SNX30: variants seen among roughly 807,000 people sequenced by gnomAD.
SNX30 encodes the protein sorting nexin-30.
Under a neutral mutation model 46.4 loss-of-function variants are expected in SNX30, and 24 were observed. That is an observed-to-expected ratio of 0.52 (90% confidence interval 0.37 to 0.73). The LOEUF (loss-of-function observed/expected upper bound fraction) is 0.73. Ranked by LOEUF, SNX30 falls within the 30% of genes least tolerant of loss-of-function variation. SNX30 has a pLI of 0.00. For synonymous variants in SNX30, 189 were observed against 211.5 expected (o/e 0.89, Z 0.92); for missense variants, 533 against 555.7 (o/e 0.96, Z 0.41).
chr9:112,758,863 A>G (rs536127696), intron 1 of SNX30, among the ~76,000 whole-genome samples: 1 of 151,966 alleles, frequency 6.6e-6, no homozygotes, highest in Non-Finnish European at 1.5e-5. Flanking sequence ...ACACACACAC[A>G]CACACACATA....
intron 2 of SNX30, among the ~76,000 whole-genome samples, chr9:112,816,605 A>G (rs1338940130): frequency 6.6e-6 from 1 of 152,224 alleles, no homozygotes; most frequent in Non-Finnish European, 1.5e-5. Context: ...AAGACAGTGA[A>G]CACAGGTTTT....
chr9:112,811,162 G>C (rs572970651), intron 2 of SNX30, among the ~76,000 whole-genome samples: 1 of 152,224 alleles, frequency 6.6e-6, no homozygotes, highest in Admixed American at 6.5e-5. Context: ...GCAGAGGAGC[G>C]TGAGGATGAA....
chr9:112,838,896 A>T (rs138717327), intron 6 of SNX30, among the ~76,000 whole-genome samples, 199 bp downstream of exon 6: 111 of 152,272 alleles, frequency 7.3e-4, no homozygotes, highest in African/African-American at 2.2e-3. Flanking sequence ...CAAAAAAAAA[A>T]GTTTGGTAAG....
chr9:112,762,900 C>T (rs975841691), intron 1 of SNX30, among the ~76,000 whole-genome samples: 1 of 152,242 alleles, frequency 6.6e-6, no homozygotes, highest in Middle Eastern at 3.2e-3. Flanking sequence ...TATTCCCACT[C>T]CAGGTGAGGA....
At chr9:112,823,021 C>A (rs1175364527) in intron 3 of SNX30, among the ~76,000 whole-genome samples, 1 of 152,100 alleles carries the variant, frequency 6.6e-6, no homozygotes, top group South Asian at 2.1e-4. Flanking sequence ...TTGTGAATCT[C>A]TTACTCTGCC....
At chr9:112,865,661 A>ATATATATATGTGTGTGTGTGTGTGTGTG in intron 8 of SNX30, among the ~76,000 whole-genome samples, 49 of 105,670 alleles carry the variant, frequency 4.6e-4, no homozygotes, top group Non-Finnish European at 7.2e-4. Context: ...ATATATATAT[A>ATATATATATGTGTGTGTGTGTGTGTGTG]TGTATGTATG....
intron 1 of SNX30, among the ~76,000 whole-genome samples, chr9:112,775,542 TTGTGTGTGTGTGTGTGTGTGTG>T (rs199600863): frequency 1.5e-5 from 2 of 131,334 alleles, no homozygotes; most frequent in East Asian, 2.1e-4. Context: ...TATTTTAAAT[TTGTGTGTGTGTGTGTGTGTGTG>T]TGTGTGTGTG....
At chr9:112,865,940 T>A (rs958105598) in intron 8 of SNX30, among the ~76,000 whole-genome samples, 2 of 151,944 alleles carry the variant, frequency 1.3e-5, no homozygotes, top group African/African-American at 4.8e-5. Context: ...GTCAAATGTC[T>A]CTGTTGCTCC....
At chr9:112,840,995 C>G (rs1000248412) in intron 6 of SNX30, among the ~76,000 whole-genome samples, 13 of 151,924 alleles carry the variant, frequency 8.6e-5, no homozygotes, top group Non-Finnish European at 1.5e-5. Context: ...ATCTCCTGAC[C>G]TCGTGATCCG....
At chr9:112,776,739 G>A (rs954573273) in intron 1 of SNX30, among the ~76,000 whole-genome samples, 1 of 152,194 alleles carries the variant, frequency 6.6e-6, no homozygotes, top group African/African-American at 2.4e-5. Flanking sequence ...AGTCTGAGAC[G>A]GGAGCAGATA....
At chr9:112,844,903 G>T (rs1840917048) in intron 6 of SNX30, among the ~76,000 whole-genome samples, 2 of 152,212 alleles carry the variant, frequency 1.3e-5, no homozygotes, top group Admixed American at 1.3e-4. Context: ...GCGAACAGTT[G>T]GTGCTTTAGG....
intron 4 of SNX30, among the ~76,000 whole-genome samples, chr9:112,831,676 A>G (rs752543612): frequency 6.6e-6 from 1 of 152,192 alleles, no homozygotes; most frequent in Non-Finnish European, 1.5e-5. Context: ...TTAACCTGCA[A>G]CCATGTTCCT....
At chr9:112,808,672 G>A (rs1840269545) in intron 2 of SNX30, among the ~76,000 whole-genome samples, 1 of 151,942 alleles carries the variant, frequency 6.6e-6, no homozygotes, top group South Asian at 2.1e-4. Context: ...ACGCTCACCA[G>A]CCAGAAATAA....
rs751571891 is a variant in SNX30, at chr9:112,797,802, C to T, written c.157-6974C>T. On this transcript the variant is annotated intron_variant, in intron 1 of 8. Coordinates refer to ENST00000374232, the MANE Select transcript of SNX30 (RefSeq NM_001012994.2). Reference sequence around the variant, plus strand: ...CCGGCTCACTGCAACCTCTGCCTGCCGGGGTTCAAGCAATTCTCCTGCCTC... The same window carrying T: ...CCGGCTCACTGCAACCTCTGCCTGCTGGGGTTCAAGCAATTCTCCTGCCTC... Among the ~76,000 whole-genome samples the T allele has an allele frequency of 4.7e-5, 7 of 149,236 alleles. No homozygotes were observed. The Middle Eastern group carries it at 0.01, about 221-fold the overall frequency.
At chr9:112,779,228 C>T (rs1839805107) in intron 1 of SNX30, among the ~76,000 whole-genome samples, 1 of 152,216 alleles carries the variant, frequency 6.6e-6, no homozygotes, top group South Asian at 2.1e-4. Flanking sequence ...ATTTAGGTGT[C>T]TCCTTAGGAG....
At chr9:112,848,718 G>A (rs917177774) in intron 6 of SNX30, among the ~76,000 whole-genome samples, 8 of 152,256 alleles carry the variant, frequency 5.3e-5, no homozygotes, top group African/African-American at 1.9e-4. Context: ...ATAACACTGA[G>A]AGACAGAGAC....
chr9:112,834,843 A>AACACACACACACACACAC lies in SNX30; in HGVS notation c.619-1348_619-1331dup, dbSNP rs79118828. Reference sequence around the variant, plus strand: ...CGTGGATTAAACACACACACACACAAACACACACACACACACACACACACA... The same window carrying AACACACACACACACACAC: ...CGTGGATTAAACACACACACACACAAACACACACACACACACACACACACACACACACACACACACACA... On this transcript the variant is annotated intron_variant, in intron 4 of 8. Transcript: ENST00000374232. Among the ~76,000 whole-genome samples the AACACACACACACACACAC allele has an allele frequency of 4.1e-4, 32 of 78,408 alleles. 1 individual carries two copies. Among genetic ancestry groups the AACACACACACACACACAC allele is most frequent in the African/African-American group, 1.2e-3 (25 of 21,470 alleles). 51.4% of individuals were successfully genotyped at this position (78,408 alleles called of 152,430 possible). A position where few individuals can be genotyped will look rare whatever the true frequency, so the allele number is the denominator to read the frequency against.
chr9:112,846,491 C>T (rs1372219839), intron 6 of SNX30, among the ~76,000 whole-genome samples: 1 of 152,148 alleles, frequency 6.6e-6, no homozygotes, highest in Non-Finnish European at 1.5e-5. Context: ...GTCATTTAAC[C>T]AGAGCTAGTG....
rs202023916 is a variant in SNX30, at chr9:112,838,633, A to G, written c.950A>G (p.Asp317Gly). ...NCSTALEELTDDMTEDFLPVL... is the reference protein window; with the variant it reads ...NCSTALEELTGDMTEDFLPVL... ...TCTACAGCCTTAGAAGAGCTGACAGATGACATGACAGAAGACTTCCTACCT... is the reference window on the plus strand; with the variant it reads ...TCTACAGCCTTAGAAGAGCTGACAGGTGACATGACAGAAGACTTCCTACCT... Residue 317 changes from aspartate (D) to glycine (G), a missense_variant, in exon 6 of 9, where the codon GAT becomes GGT. Asp to Gly is a moderately conservative substitution (Grantham distance 94). Coordinates refer to ENST00000374232, the MANE Select transcript of SNX30 (RefSeq NM_001012994.2). The G allele has an allele frequency of 1.2e-6, 2 of 1,614,232 alleles. No homozygotes were observed. The highest frequency in any genetic ancestry group is 8.5e-7 in the Non-Finnish European group (1 of 1,180,044).
Sources: gnomAD v4.1 joint callset for allele counts (sites outside exome capture counted in the v4.1 genomes callset) on GRCh38, gnomAD v4.1.1 for gene constraint, MANE v1.5 for transcripts, NCBI Gene and HGNC (gene_info 2026-07-23, HGNC 2026-07-21) for gene names.